The following SIRT5 variants were observed in gnomAD, a reference collection of about 807,000 sequenced individuals.
SIRT5 encodes the protein NAD-dependent protein deacylase sirtuin-5, mitochondrial.
In SIRT5, 26 loss-of-function variants were observed where a neutral mutation model predicts 40.0. That is an observed-to-expected ratio of 0.65 (90% CI 0.48 to 0.90). The LOEUF is 0.90. Ranked by LOEUF, SIRT5 falls within the 40% of genes least tolerant of loss-of-function variation. SIRT5 has a pLI of 0.00. For missense variants in SIRT5, 401 were observed against 402.4 expected (o/e 1.00, Z 0.03); for synonymous variants, 146 against 149.1 (o/e 0.98, Z 0.15).
chr6:13,605,561 G>C (rs1328061714), intron 9 of SIRT5: 17 of 985,290 alleles, frequency 1.7e-5, no homozygotes, highest in Non-Finnish European at 2.0e-5. Flanking sequence ...CTTTGCCCCA[G>C]TTCTAATCTA....
intron 3 of SIRT5, among the ~76,000 whole-genome samples, chr6:13,586,175 TTC>T: frequency 6.6e-6 from 1 of 152,382 alleles, no homozygotes; most frequent in African/African-American, 2.4e-5. Context: ...TTCAAAAATA[TTC>T]TCTCATTCTG....
intron 9 of SIRT5, chr6:13,605,669 G>A (rs201965295): frequency 1.3e-5 from 13 of 985,266 alleles, no homozygotes; most frequent in Admixed American, 6.1e-5. Context: ...CCCCATGTCC[G>A]ATGCTTATAT....
intron 7 of SIRT5, among the ~76,000 whole-genome samples, chr6:13,597,772 T>C (rs576953377): frequency 9.2e-5 from 14 of 152,172 alleles, no homozygotes; most frequent in African/African-American, 3.4e-4. Flanking sequence ...TCTCGAGCTC[T>C]TGACCTCAGA....
chr6:13,582,097 G>A (rs933006418), intron 2 of SIRT5, among the ~76,000 whole-genome samples: 8 of 152,112 alleles, frequency 5.3e-5, no homozygotes, highest in African/African-American at 2.4e-5. Context: ...AGTTCTTCAT[G>A]GCGTGTTCTA....
chr6:13,597,056 A>T (rs1761651587), intron 7 of SIRT5, 40 bp downstream of exon 7: 1 of 1,499,052 alleles, frequency 6.7e-7, no homozygotes, highest in Admixed American at 2.1e-5. Flanking sequence ...GTTCCAGGTT[A>T]CCAAAACAAA....
At chr6:13,589,373 A>T (rs1760508293) in intron 4 of SIRT5, 1 of 152,040 alleles carries the variant, frequency 6.6e-6, no homozygotes, top group Admixed American at 6.6e-5. Context: ...CAGGTGATCC[A>T]CCCATCTTGG....
upstream of SIRT5, among the ~76,000 whole-genome samples, chr6:13,574,356 G>A (rs920512743): frequency 6.6e-6 from 1 of 151,988 alleles, no homozygotes; most frequent in African/African-American, 2.4e-5. Flanking sequence ...TCTCCCGCTC[G>A]GGCTCCGGCT....
At position 13,614,087 on chromosome 6, in the gene SIRT5, A is replaced by ACTCTTTT. The variant is rs1764157989; in HGVS notation, c.*2222_*2223insCTCTTTT. 2 of 152,242 alleles carry ACTCTTTT rather than the reference A, an allele frequency of 1.3e-5. No homozygotes were observed. Among genetic ancestry groups the ACTCTTTT allele is most frequent in the Non-Finnish European group, 2.9e-5 (2 of 68,048 alleles). The allele number at this position is 152,242 out of a possible 1,614,324, so 9.4% of individuals were successfully genotyped here. A position where few individuals can be genotyped will look rare whatever the true frequency, so the allele number is the denominator to read the frequency against. ...AGAAGACATGAAAAGAGAATTAAAA[A>ACTCTTTT]TACAATATATGTGTAAGATAGAATT... is the stretch of plus-strand genomic sequence containing the variant. On this transcript the variant is annotated 3_prime_UTR_variant, in exon 10 of 10. Coordinates refer to ENST00000606117, the MANE Select transcript of SIRT5 (RefSeq NM_012241.5).
Position 13,612,119 on chromosome 6 carries a change from G to C in SIRT5, c.*254G>C. 1 of 309,700 alleles carries C rather than the reference G, an allele frequency of 3.2e-6. No homozygotes were observed. Among genetic ancestry groups the C allele is most frequent in the Non-Finnish European group, 5.9e-6 (1 of 169,064 alleles). 19.2% of individuals were successfully genotyped at this position (309,700 alleles called of 1,614,324 possible). A position where few individuals can be genotyped will look rare whatever the true frequency, so the allele number is the denominator to read the frequency against. On this transcript the variant is annotated 3_prime_UTR_variant, in exon 10 of 10. Coordinates refer to ENST00000606117, the MANE Select transcript of SIRT5 (RefSeq NM_012241.5). ...CTGAAACGTGAGGTATCTTTGATGT[G>C]TATGGTTGGTTATTGGGAGGGAAAA...
At chr6:13,600,677 C>G (rs1762255048) in intron 8 of SIRT5, among the ~76,000 whole-genome samples, 157 bp from the exon 9 acceptor site, 1 of 152,192 alleles carries the variant, frequency 6.6e-6, no homozygotes, top group African/African-American at 2.4e-5. Flanking sequence ...TCTTCACTTT[C>G]CCTTGTCCCT....
intron 2 of SIRT5, among the ~76,000 whole-genome samples, chr6:13,582,665 T>C (rs1280769948): frequency 1.3e-5 from 2 of 151,172 alleles, no homozygotes; most frequent in African/African-American, 4.9e-5. Flanking sequence ...ACTCCTCCCC[T>C]TTCTGGCAAC....
intron 5 of SIRT5, among the ~76,000 whole-genome samples, chr6:13,593,037 C>G (rs1761139033): frequency 6.6e-6 from 1 of 151,912 alleles, no homozygotes; most frequent in Non-Finnish European, 1.5e-5. Flanking sequence ...CCTCAGCCTC[C>G]AGAGTAGCTG....
In SIRT5 at chr6:13,611,205, G is replaced by GTATATA. The variant is rs1307103122; in HGVS notation, c.858-584_858-583insATATAT. On this transcript the variant is annotated intron_variant, in intron 9 of 9. Transcript: ENST00000606117. ...CTGCTGTAATGTTTTATGTGTGTGT[G>GTATATA]TGTATATATATATATATATATATAT... 9.2e-3 allele frequency among the ~76,000 whole-genome samples: 981 copies of GTATATA among 106,536 alleles called. 5 individuals carry two copies. The highest frequency in any genetic ancestry group is 0.012 in the Admixed American group (114 of 9,314). 69.9% of individuals were successfully genotyped at this position (106,536 alleles called of 152,430 possible).
At chr6:13,599,872 T>C (rs1306325625) in intron 8 of SIRT5, among the ~76,000 whole-genome samples, 1 of 152,228 alleles carries the variant, frequency 6.6e-6, no homozygotes, top group Admixed American at 6.5e-5. Context: ...AATTCAAAAC[T>C]GAGTTCATGA....
At chr6:13,596,531 G>A (rs1469296712) in intron 6 of SIRT5, among the ~76,000 whole-genome samples, 1 of 151,806 alleles carries the variant, frequency 6.6e-6, no homozygotes, top group Non-Finnish European at 1.5e-5. Flanking sequence ...CTGTTTCCCA[G>A]GCTGGAGTAC....
At position 13,584,174 on chromosome 6, in the gene SIRT5, C is replaced by T. The variant is rs200174442; in HGVS notation, c.64C>T (p.Pro22Ser). 1.9e-6 allele frequency: 3 copies of T among 1,614,172 alleles called. No individual in the cohort carries two copies. Among genetic ancestry groups the T allele is most frequent in the Non-Finnish European group, 2.5e-6 (3 of 1,180,040 alleles). ...CCAGCTATATTGTGGCCTGAAGCCT[C>T]CAGCGTCCACACGAAACCAGATTTG... The part of the protein sequence containing the change: ...ISQLYCGLKP[P>S]ASTRNQICLK... The change falls in exon 3 of 10, where the codon CCA (proline) becomes TCA (serine). Residue 22 changes from proline to serine, a missense_variant. Pro to Ser is a moderately conservative substitution (Grantham distance 74). Coordinates refer to ENST00000606117, the MANE Select transcript of SIRT5 (RefSeq NM_012241.5).
chr6:13,615,048 G>A lies in SIRT5; in HGVS notation c.*3183G>A. The A allele has an allele frequency of 2.7e-6, 1 of 364,810 alleles. No homozygotes were observed. Among genetic ancestry groups the A allele is most frequent in the Middle Eastern group, 7.5e-4 (1 of 1,338 alleles). 22.6% of individuals were successfully genotyped at this position (364,810 alleles called of 1,614,324 possible). A position where few individuals can be genotyped will look rare whatever the true frequency, so the allele number is the denominator to read the frequency against. Reference sequence around the variant, plus strand: ...GCACCGGACAGCGTGAGCCGTGCCAGCCCTGTCTCGCCATCCCAGCCGAGG... The same window carrying A: ...GCACCGGACAGCGTGAGCCGTGCCAACCCTGTCTCGCCATCCCAGCCGAGG... On this transcript the variant is annotated 3_prime_UTR_variant, in exon 10 of 10. Transcript: ENST00000606117.
At chr6:13,583,653 T>G (rs2127621464) in intron 2 of SIRT5, among the ~76,000 whole-genome samples, 1 of 152,346 alleles carries the variant, frequency 6.6e-6, no homozygotes, top group Admixed American at 6.5e-5. Context: ...CCCTTTCTTG[T>G]GCATTTTAGT....
intron 9 of SIRT5, among the ~76,000 whole-genome samples, chr6:13,608,978 C>T (rs961052891): frequency 3.3e-5 from 5 of 152,048 alleles, no homozygotes; most frequent in South Asian, 2.1e-4. Context: ...CCTGCCACCA[C>T]GACCAGCTAA....
Sources: gnomAD v4.1 joint callset for allele counts (sites outside exome capture counted in the v4.1 genomes callset) on GRCh38, gnomAD v4.1.1 for gene constraint, MANE v1.5 for transcripts, NCBI Gene and HGNC (gene_info 2026-07-23, HGNC 2026-07-21) for gene names.